The following ANKRD28 variants were observed in gnomAD, a reference collection of about 807,000 sequenced individuals.
ANKRD28 encodes the protein ankyrin repeat domain 28.
Under a neutral mutation model 126.5 loss-of-function variants are expected in ANKRD28, and 44 were observed. The observed-to-expected ratio is 0.35, with a 90% CI of 0.27 to 0.45. The LOEUF (loss-of-function observed/expected upper bound fraction) is 0.45. ANKRD28 is among the 20% of genes least tolerant of loss of function. ANKRD28 has a pLI of 1.00. For missense variants in ANKRD28, 1,110 were observed against 1,316.6 expected (o/e 0.84, Z 2.43); for synonymous variants, 442 against 468.5 (o/e 0.94, Z 0.73).
At chr3:15,759,414 C>T (rs1413761646) in intron 3 of ANKRD28, among the ~76,000 whole-genome samples, 1 of 152,170 alleles carries the variant, frequency 6.6e-6, no homozygotes, top group Non-Finnish European at 1.5e-5. Context: ...TATTATTTCA[C>T]CCCATTCCAT....
At chr3:15,730,760 A>G (rs1276838062) in intron 6 of ANKRD28, among the ~76,000 whole-genome samples, 3 of 152,226 alleles carry the variant, frequency 2.0e-5, no homozygotes, top group African/African-American at 7.2e-5. Context: ...CTGCCTAGTT[A>G]TGCTCATAAA....
intron 2 of ANKRD28, among the ~76,000 whole-genome samples, chr3:15,782,523 A>G (rs1559522642): frequency 6.6e-6 from 1 of 152,138 alleles, no homozygotes; most frequent in African/African-American, 2.4e-5. Flanking sequence ...GAAAGGGTCA[A>G]TCCTTCAAGA....
chr3:15,673,231 A>G (rs2066563788), intron 27 of ANKRD28, among the ~76,000 whole-genome samples: 2 of 152,230 alleles, frequency 1.3e-5, no homozygotes, highest in African/African-American at 4.8e-5. Context: ...GTACTCTCAT[A>G]GCATTCTATG....
chr3:15,803,031 T>A (rs1218502213), intron 1 of ANKRD28, among the ~76,000 whole-genome samples: 3 of 152,158 alleles, frequency 2.0e-5, no homozygotes, highest in Non-Finnish European at 4.4e-5. Flanking sequence ...GAAGCAATCA[T>A]GAGGGACAAT....
chr3:15,731,855 A>AC, intron 6 of ANKRD28: 1 of 123,476 alleles, frequency 8.1e-6, no homozygotes, highest in Non-Finnish European at 1.7e-5. Context: ...TCTCAAAAAA[A>AC]AAAAAAAAAA....
In ANKRD28 at chr3:15,797,221, A is replaced by AAC; in HGVS notation, c.-702_-701dup. 19 of 857,850 alleles carry AAC rather than the reference A, an allele frequency of 2.2e-5. No individual in the cohort carries two copies. The highest frequency in any genetic ancestry group is 2.5e-5 in the Non-Finnish European group (18 of 714,680). The allele number at this position is 857,850 out of a possible 1,614,324, so 53.1% of individuals were successfully genotyped here. A position where few individuals can be genotyped will look rare whatever the true frequency, so the allele number is the denominator to read the frequency against. ...CAAAAAACAAAAACAAAAAAAAAAA[A>AAC]ACCACTCTGCATTAATAGCAAAGCT... On this transcript the variant is annotated 5_prime_UTR_variant, in exon 1 of 28. It removes the in-frame stop codon of an upstream open reading frame in the 5' UTR. Transcript: ENST00000683139.
chr3:15,716,281 CTTTTTTTTT>C (rs373633047), intron 8 of ANKRD28, among the ~76,000 whole-genome samples: 59 of 113,670 alleles, frequency 5.2e-4, no homozygotes, highest in African/African-American at 1.9e-3. Context: ...CGCACCTGGA[CTTTTTTTTT>C]TTTTTTTTTT....
Position 15,670,521 on chromosome 3 carries a change from C to T in ANKRD28, c.3001G>A (p.Asp1001Asn). 6.2e-7 allele frequency: 1 copy of T among 1,613,848 alleles called. No homozygotes were observed. Among genetic ancestry groups the T allele is most frequent in the Non-Finnish European group, 8.5e-7 (1 of 1,179,850 alleles). Residue 1001 changes from aspartate to asparagine, a missense_variant, in exon 28 of 28, where the codon GAT (aspartate) becomes AAT (asparagine). Asp to Asn is a conservative substitution (Grantham distance 23). Transcript: ENST00000683139. ...TPALACAPNK[D>N]VADCLALILA... ...ATGAGAGCCAGGCAATCAGCCACAT[C>T]CTTATTGGGAGCACAGGCCAAAGCT... is the stretch of plus-strand genomic sequence containing the variant.
At chr3:15,794,574 G>A (rs1405097489) in intron 2 of ANKRD28, among the ~76,000 whole-genome samples, 1 of 95,722 alleles carries the variant, frequency 1.0e-5, no homozygotes, top group Non-Finnish European at 2.5e-5. Context: ...CTAAATACTG[G>A]CCACTGAAAA....
Position 15,690,182 on chromosome 3 carries a change from T to C in ANKRD28, c.1800A>G (p.Val600=), listed in dbSNP as rs1251229299. The C allele has an allele frequency of 6.2e-7, 1 of 1,607,324 alleles. No homozygotes were observed. Among genetic ancestry groups the C allele is most frequent in the African/African-American group, 1.3e-5 (1 of 74,960 alleles). The change falls in exon 18 of 28, where the codon GTA becomes GTG. Residue 600 remains valine, a synonymous_variant. Coordinates refer to ENST00000683139, the MANE Select transcript of ANKRD28 (RefSeq NM_001349278.2). ...HGHHQALEVL[V]QSLLDLDVRN... ...TGACATCAAGATCTAACAAAGACTGTACCAACACTTCCAGTGCTTGATGGT... is the reference window on the plus strand; with the variant it reads ...TGACATCAAGATCTAACAAAGACTGCACCAACACTTCCAGTGCTTGATGGT...
intron 2 of ANKRD28, among the ~76,000 whole-genome samples, chr3:15,771,320 G>C (rs892672808): frequency 6.7e-5 from 10 of 150,122 alleles, no homozygotes; most frequent in Non-Finnish European, 1.3e-4. Context: ...TGAGGCAGCA[G>C]AATCGCTTGA....
rs375278547 is a variant in ANKRD28, at chr3:15,850,224, T to TAGAGAGAG, written c.27+9145_27+9152dup. ...AAAAAAATATATATATATATATATA[T>TAGAGAGAG]AGAGAGAGAGAGAGAGAGAGAGAGA... On this transcript the variant is annotated intron_variant, in intron 1 of 27. Transcript: ENST00000399451. Among the ~76,000 whole-genome samples the TAGAGAGAG allele has an allele frequency of 8.8e-3, 309 of 35,078 alleles. 6 individuals are homozygous for TAGAGAGAG. The highest frequency in any genetic ancestry group is 0.012 in the East Asian group (8 of 666). 23.0% of individuals were successfully genotyped at this position (35,078 alleles called of 152,430 possible).
At position 15,748,547 on chromosome 3, in the gene ANKRD28, C is replaced by T. The variant is rs556961949; in HGVS notation, c.351+3203G>A. Among the ~76,000 whole-genome samples the T allele has an allele frequency of 3.9e-4, 59 of 152,302 alleles. No homozygotes were observed. The South Asian group carries it at 7.5e-3, about 19-fold the overall frequency. On this transcript the variant is annotated intron_variant, in intron 4 of 27. Coordinates refer to ENST00000683139, the MANE Select transcript of ANKRD28 (RefSeq NM_001349278.2). ...AATCCCTTCTAGCTTTGTAGGGCTTCGCTGAGAAATCTGCTGTTAATCTGA... is the reference window on the plus strand; with the variant it reads ...AATCCCTTCTAGCTTTGTAGGGCTTTGCTGAGAAATCTGCTGTTAATCTGA...
chr3:15,814,385 C>G lies in ANKRD28; in HGVS notation c.28-19079G>C. 1 of 698,360 alleles carries G rather than the reference C, an allele frequency of 1.4e-6. No homozygotes were observed. Among genetic ancestry groups the G allele is most frequent in the East Asian group, 8.4e-5 (1 of 11,856 alleles). 43.3% of individuals were successfully genotyped at this position (698,360 alleles called of 1,614,324 possible). A position where few individuals can be genotyped will look rare whatever the true frequency, so the allele number is the denominator to read the frequency against. On this transcript the variant is annotated intron_variant, in intron 1 of 27. Coordinates refer to the ANKRD28 transcript ENST00000399451. The surrounding 1 kb of genome is among the most constrained non-coding windows in gnomAD (Gnocchi z 4.7). ...TAAGGGCTATGTTATTTATAAATAA[C>G]TAGTACCTTAACAAAACATTGAATT...
At position 15,839,009 on chromosome 3, in the gene ANKRD28, A is replaced by G. The variant is rs976450515; in HGVS notation, c.27+20368T>C. Among the ~76,000 whole-genome samples the G allele has an allele frequency of 6.6e-6, 1 of 152,168 alleles. No homozygotes were observed. The highest frequency in any genetic ancestry group is 1.5e-5 in the Non-Finnish European group (1 of 68,028). ...CCAAATTTTTAAAAGCCAGACAAAAAATGATCACGTATCATATGACTCCAC... is the reference window on the plus strand; with the variant it reads ...CCAAATTTTTAAAAGCCAGACAAAAGATGATCACGTATCATATGACTCCAC... On this transcript the variant is annotated intron_variant, in intron 1 of 27. Transcript: ENST00000399451. This position sits in a 1 kb window ranked among gnomAD's most constrained non-coding sequence, Gnocchi z 4.3.
At chr3:15,675,157 C>T (rs1361311403) in intron 27 of ANKRD28, among the ~76,000 whole-genome samples, 1 of 152,094 alleles carries the variant, frequency 6.6e-6, no homozygotes. Flanking sequence ...GTAATCCCAG[C>T]TACCTGGGCA....
At chr3:15,789,591 T>C (rs1445139023) in intron 2 of ANKRD28, among the ~76,000 whole-genome samples, 2 of 152,206 alleles carry the variant, frequency 1.3e-5, no homozygotes, top group Non-Finnish European at 1.5e-5. Flanking sequence ...AGCTCTGACA[T>C]TGCTGTTTTA....
chr3:15,830,911 A>T lies in ANKRD28; in HGVS notation c.27+28466T>A, dbSNP rs2061174559. 6.6e-6 allele frequency among the ~76,000 whole-genome samples: 1 copy of T among 152,056 alleles called. No individual in the cohort carries two copies. Among genetic ancestry groups the T allele is most frequent in the Non-Finnish European group, 1.5e-5 (1 of 67,998 alleles). On this transcript the variant is annotated intron_variant, in intron 1 of 27. Transcript: ENST00000399451. This position sits in a 1 kb window ranked among gnomAD's most constrained non-coding sequence, Gnocchi z 4.5. Reference sequence around the variant, plus strand: ...CCATACCTATGTGACTGACTTCTCAATAAAAACTCTGGACAGCAAACCTCA... The same window carrying T: ...CCATACCTATGTGACTGACTTCTCATTAAAAACTCTGGACAGCAAACCTCA...
rs1239717861 is a variant in ANKRD28 at position 15,854,524 on chromosome 3, G to A, written c.27+4853C>T. ...TACAGAGCTCACCAGGTTCTATTTT[G>A]TATTGCAAAAGGTATCCAAAAAGTG... is the stretch of plus-strand genomic sequence containing the variant. On this transcript the variant is annotated intron_variant, in intron 1 of 27. Transcript: ENST00000399451. The surrounding 1 kb of genome is among the most constrained non-coding windows in gnomAD (Gnocchi z 4.1). Among the ~76,000 whole-genome samples, 1 of 152,134 alleles carries A rather than the reference G, an allele frequency of 6.6e-6. No homozygotes were observed. The highest frequency in any genetic ancestry group is 1.5e-5 in the Non-Finnish European group (1 of 68,024).
Sources: gnomAD v4.1 joint callset for allele counts (sites outside exome capture counted in the v4.1 genomes callset) on GRCh38, gnomAD v4.1.1 for gene constraint, Gnocchi (gnomAD v3.1) non-coding constraint, MANE v1.5 for transcripts, NCBI Gene and HGNC (gene_info 2026-07-23, HGNC 2026-07-21) for gene names.